CNTNAP5: variants seen among roughly 807,000 people sequenced by gnomAD.
CNTNAP5 encodes the protein contactin associated protein family member 5.
CNTNAP5 carries 72 observed loss-of-function variants against 150.2 expected under a neutral mutation model. That is an observed-to-expected ratio of 0.48 (90% CI 0.40 to 0.58). The LOEUF (loss-of-function observed/expected upper bound fraction) is 0.58, where lower values mean the gene tolerates loss of function less well. Ranked by LOEUF, CNTNAP5 falls within the 20% of genes least tolerant of loss-of-function variation. The pLI, the probability that CNTNAP5 is intolerant of heterozygous loss-of-function variation, is 0.00. For synonymous variants in CNTNAP5, 672 were observed against 619.8 expected, an observed-to-expected ratio of 1.08 and a Z score of -1.25; for missense variants, 1,636 against 1,626.2, an observed-to-expected ratio of 1.01 and a Z score of -0.10.
At chr2:124,814,504 C>T (rs1006457841) in intron 19 of CNTNAP5, among the ~76,000 whole-genome samples, 10 of 151,864 alleles carry the variant, frequency 6.6e-5, no homozygotes, top group African/African-American at 1.7e-4. Flanking sequence ...TGTCTACAGG[C>T]GATAAATACT....
At position 124,651,825 on chromosome 2, in the gene CNTNAP5, G is replaced by T. The variant is rs181395212; in HGVS notation, c.2077+3867G>T. Among the ~76,000 whole-genome samples the T allele has an allele frequency of 1.8e-4, 28 of 152,300 alleles. No homozygotes were observed. The East Asian group carries it at 5.2e-3, about 28-fold the overall frequency. ...GCACATTCCTGGGCGGCATCAGAGG[G>T]TTTGCATCATCCTGGCCTAGACTCA... On this transcript the variant is annotated intron_variant, in intron 13 of 23. Transcript: ENST00000682447.
intron 13 of CNTNAP5, among the ~76,000 whole-genome samples, chr2:124,703,758 A>G (rs1679575153): frequency 6.6e-6 from 1 of 152,178 alleles, no homozygotes; most frequent in Non-Finnish European, 1.5e-5. Flanking sequence ...GCAGCTGCTG[A>G]GCCCCAAAGA....
intron 17 of CNTNAP5, among the ~76,000 whole-genome samples, chr2:124,782,528 A>G (rs1230599715): frequency 6.6e-6 from 1 of 152,244 alleles, no homozygotes. Flanking sequence ...ATAGGTAGAA[A>G]TGGAAAGTGT....
At chr2:124,363,709 CA>C (rs1252632797) in intron 3 of CNTNAP5, among the ~76,000 whole-genome samples, 2 of 152,016 alleles carry the variant, frequency 1.3e-5, no homozygotes, top group African/African-American at 4.8e-5. Context: ...GTATTCTTAC[CA>C]CATACACACA....
intron 3 of CNTNAP5, among the ~76,000 whole-genome samples, chr2:124,412,417 G>A (rs1337543336): frequency 2.0e-5 from 3 of 147,688 alleles, no homozygotes; most frequent in East Asian, 4.0e-4. Flanking sequence ...AGCCCGCATT[G>A]CCAAGGCAAT....
intron 3 of CNTNAP5, among the ~76,000 whole-genome samples, chr2:124,364,539 T>C (rs1690314640): frequency 6.6e-6 from 1 of 152,204 alleles, no homozygotes; most frequent in African/African-American, 2.4e-5. Flanking sequence ...GGCATAAATC[T>C]TTTCCCAATG....
intron 19 of CNTNAP5, among the ~76,000 whole-genome samples, chr2:124,846,016 C>G (rs1402324243): frequency 6.6e-6 from 1 of 151,192 alleles, no homozygotes; most frequent in Non-Finnish European, 1.5e-5. Context: ...CAGTTCTACT[C>G]TGATCTTTGT....
At chr2:124,573,396 G>T (rs1696209849) in intron 11 of CNTNAP5, among the ~76,000 whole-genome samples, 1 of 151,996 alleles carries the variant, frequency 6.6e-6, no homozygotes, top group Non-Finnish European at 1.5e-5. Context: ...CCAACCCCTT[G>T]TTAATTGAGG....
At chr2:124,248,200 A>T (rs1468226712) in intron 3 of CNTNAP5, among the ~76,000 whole-genome samples, 1 of 152,122 alleles carries the variant, frequency 6.6e-6, no homozygotes, top group African/African-American at 2.4e-5. Context: ...AATGTCCCTT[A>T]ACACCTCTAT....
intron 3 of CNTNAP5, among the ~76,000 whole-genome samples, chr2:124,322,064 C>T (rs890422699): frequency 1.3e-5 from 2 of 151,924 alleles, no homozygotes; most frequent in Non-Finnish European, 2.9e-5. Flanking sequence ...GCAGGAGAAT[C>T]GCTTGAACTT....
At chr2:124,743,784 A>AT (rs35635088) in intron 13 of CNTNAP5, among the ~76,000 whole-genome samples, 22 of 151,984 alleles carry the variant, frequency 1.4e-4, no homozygotes, top group Admixed American at 5.2e-4. Flanking sequence ...TATGCTACCC[A>AT]TTTTTTTTCC....
Position 124,790,078 on chromosome 2 carries a change from A to G in CNTNAP5, c.2929A>G (p.Lys977Glu), listed in dbSNP as rs756694361. ...CCACAACGGGGGCAAGTGTGTGGAG[A>G]AGCACAATGGCTACCTGTGTGATTG... ...ICHNGGKCVE[K>E]HNGYLCDCTN... Residue 977 changes from lysine to glutamate, a missense_variant, in exon 18 of 24, where the codon AAG becomes GAG. By Grantham distance (56) the Lys-to-Glu change is moderately conservative (BLOSUM62 1). Coordinates refer to ENST00000682447, the MANE Select transcript of CNTNAP5 (RefSeq NM_001367498.1). 3 of 1,613,768 alleles carry G rather than the reference A, an allele frequency of 1.9e-6. No individual in the cohort carries two copies. The highest frequency in any genetic ancestry group is 2.5e-6 in the Non-Finnish European group (3 of 1,179,846).
At chr2:124,774,215 T>C (rs949806819) in intron 17 of CNTNAP5, among the ~76,000 whole-genome samples, 1 of 146,930 alleles carries the variant, frequency 6.8e-6, no homozygotes, top group Non-Finnish European at 1.5e-5. Context: ...TGTTTATTTA[T>C]TTTTTTTTTG....
At chr2:124,700,736 T>A (rs1392466350) in intron 13 of CNTNAP5, among the ~76,000 whole-genome samples, 2 of 152,074 alleles carry the variant, frequency 1.3e-5, no homozygotes, top group African/African-American at 4.8e-5. Context: ...GATATATCAT[T>A]TGAAAATATG....
intron 19 of CNTNAP5, among the ~76,000 whole-genome samples, chr2:124,852,159 C>A (rs1028411193): frequency 6.6e-6 from 1 of 152,104 alleles, no homozygotes; most frequent in South Asian, 2.1e-4. Flanking sequence ...GTTGCAATTA[C>A]GGAGGGTTTG....
At chr2:124,725,210 A>T (rs1475452058) in intron 13 of CNTNAP5, among the ~76,000 whole-genome samples, 1 of 152,122 alleles carries the variant, frequency 6.6e-6, no homozygotes, top group African/African-American at 2.4e-5. Context: ...ATTGAATTAA[A>T]AATATTTCCA....
At chr2:124,066,755 T>C (rs1682171403) in intron 1 of CNTNAP5, among the ~76,000 whole-genome samples, 1 of 152,170 alleles carries the variant, frequency 6.6e-6, no homozygotes, top group Non-Finnish European at 1.5e-5. Context: ...CCACTACCTA[T>C]GGAAAACTAT....
rs73952988 is a variant in CNTNAP5 at position 124,483,433 on chromosome 2, C to G, written c.1062+8551C>G. The stretch of plus-strand genomic sequence containing the variant: ...CCGGTATGAACCTGCTGCATACCCT[C>G]CATGCCTTATCAACTCCAGGCATTG... On this transcript the variant is annotated intron_variant, in intron 7 of 23. Coordinates refer to ENST00000682447, the MANE Select transcript of CNTNAP5 (RefSeq NM_001367498.1). Among the ~76,000 whole-genome samples, 409 of 152,326 alleles carry G rather than the reference C, an allele frequency of 2.7e-3. 4 individuals carry two copies. Among genetic ancestry groups the G allele is most frequent in the African/African-American group, 9.2e-3 (383 of 41,582 alleles).
chr2:124,029,487 C>T (rs1680985346), intron 1 of CNTNAP5, among the ~76,000 whole-genome samples: 1 of 151,988 alleles, frequency 6.6e-6, no homozygotes, highest in South Asian at 2.1e-4. Flanking sequence ...CATCTCAAAA[C>T]TAAATTGATA....
Sources: allele counts gnomAD v4.1 joint callset (sites outside exome capture counted in the v4.1 genomes callset), GRCh38; gene constraint gnomAD v4.1.1; transcripts MANE v1.5; gene names NCBI Gene and HGNC (gene_info 2026-07-23, HGNC 2026-07-21).